Variants in KDM2A observed in about 807,000 individuals in gnomAD.
KDM2A encodes lysine demethylase 2A.
A neutral mutation model predicts 137.3 loss-of-function variants in KDM2A; 3 were observed. The ratio of observed to expected loss-of-function variants is 0.02; its 90% CI spans 0.01 to 0.06. The LOEUF (loss-of-function observed/expected upper bound fraction) is 0.06. Ranked by LOEUF, KDM2A falls within the 10% of genes least tolerant of loss-of-function variation. KDM2A has a pLI of 1.00. For synonymous variants in KDM2A, 512 were observed against 541.5 expected (o/e 0.95, Z 0.76); for missense variants, 738 against 1,510.6 (o/e 0.49, Z 8.48).
intron 10 of KDM2A, among the ~76,000 whole-genome samples, chr11:67,226,321 G>C (rs186191507): frequency 3.2e-4 from 48 of 152,208 alleles, no homozygotes; most frequent in Non-Finnish European, 5.6e-4. Flanking sequence ...TGATGGATCT[G>C]ATTTTTCTGA....
intron 5 of KDM2A, among the ~76,000 whole-genome samples, chr11:67,184,550 C>T (rs1223214133): frequency 1.3e-5 from 2 of 152,132 alleles, no homozygotes; most frequent in African/African-American, 4.8e-5. Flanking sequence ...ATTGCTTGAA[C>T]CGGGAGGCAG....
chr11:67,148,455 G>T (rs1856306465), intron 2 of KDM2A, among the ~76,000 whole-genome samples: 1 of 147,330 alleles, frequency 6.8e-6, no homozygotes, highest in Admixed American at 6.6e-5. Flanking sequence ...GTTTTTTCAT[G>T]GGGTAAAACT....
At chr11:67,167,463 G>A (rs1326464018) in intron 2 of KDM2A, among the ~76,000 whole-genome samples, 1 of 152,120 alleles carries the variant, frequency 6.6e-6, no homozygotes, top group Non-Finnish European at 1.5e-5. Context: ...AGTGTATCCC[G>A]ACTCTTTTAG....
chr11:67,225,345 A>G (rs754794636), intron 10 of KDM2A, among the ~76,000 whole-genome samples: 2 of 152,232 alleles, frequency 1.3e-5, no homozygotes, highest in African/African-American at 2.4e-5. Context: ...TGATGTTAAC[A>G]TCATTCTTGG....
At chr11:67,150,693 A>T (rs1856364463) in intron 2 of KDM2A, among the ~76,000 whole-genome samples, 1 of 152,158 alleles carries the variant, frequency 6.6e-6, no homozygotes, top group African/African-American at 2.4e-5. Context: ...GGGGAATTAG[A>T]GGTGAGTTGG....
chr11:67,256,818 T>C lies in KDM2A; in HGVS notation c.*1763T>C, dbSNP rs1277736803. 5 of 152,650 alleles carry C rather than the reference T, an allele frequency of 3.3e-5. No individual in the cohort carries two copies. 9.5% of individuals were successfully genotyped at this position (152,650 alleles called of 1,614,324 possible). A position where few individuals can be genotyped will look rare whatever the true frequency, so the allele number is the denominator to read the frequency against. On this transcript the variant is annotated 3_prime_UTR_variant, in exon 21 of 21. Coordinates refer to ENST00000529006, the MANE Select transcript of KDM2A (RefSeq NM_012308.3). ...AGGGGGTGGCATTTTGTTTGTTTCT[T>C]CCAATCTGCTGAATCTTTTGACTGC...
At chr11:67,251,949 A>G (rs1859441498) in intron 17 of KDM2A, among the ~76,000 whole-genome samples, 3 of 152,114 alleles carry the variant, frequency 2.0e-5, no homozygotes, top group Admixed American at 2.0e-4. Flanking sequence ...GATTCCCGTT[A>G]TGTGCTGTCT....
chr11:67,123,214 G>A (rs1378109676), intron 2 of KDM2A, among the ~76,000 whole-genome samples: 1 of 148,126 alleles, frequency 6.8e-6, no homozygotes, highest in Middle Eastern at 3.7e-3. Flanking sequence ...GGCCTCAAGC[G>A]ATCCTCCCAC....
chr11:67,202,978 G>C (rs1472201592), intron 5 of KDM2A, among the ~76,000 whole-genome samples: 2 of 148,322 alleles, frequency 1.3e-5, no homozygotes, highest in East Asian at 2.0e-4. Context: ...CTGGGCAACA[G>C]AGCAAGACCC....
chr11:67,175,172 G>A (rs1381961447), intron 2 of KDM2A, among the ~76,000 whole-genome samples: 2 of 152,166 alleles, frequency 1.3e-5, no homozygotes, highest in Non-Finnish European at 2.9e-5. Context: ...AGGATTGAAT[G>A]TTTTTAAAGC....
At chr11:67,150,639 G>A (rs532878754) in intron 2 of KDM2A, among the ~76,000 whole-genome samples, 1 of 152,102 alleles carries the variant, frequency 6.6e-6, no homozygotes. Context: ...TGAGAGGAGG[G>A]ATCTAAGAGT....
intron 3 of KDM2A, 149 bp from the exon 4 acceptor site, chr11:67,181,171 C>T: frequency 2.2e-6 from 1 of 446,592 alleles, no homozygotes; most frequent in Non-Finnish European, 3.9e-6. Flanking sequence ...ATGCTTCTTA[C>T]TAAGCATATA....
At chr11:67,225,958 G>C (rs1438456036) in intron 10 of KDM2A, among the ~76,000 whole-genome samples, 1 of 152,104 alleles carries the variant, frequency 6.6e-6, no homozygotes, top group Non-Finnish European at 1.5e-5. Flanking sequence ...CCAGCTACTT[G>C]GGAGGCTGAG....
intron 5 of KDM2A, among the ~76,000 whole-genome samples, chr11:67,184,775 C>T (rs1270693479): frequency 2.0e-5 from 3 of 152,058 alleles, no homozygotes; most frequent in Non-Finnish European, 2.9e-5. Context: ...TCAGAGAAGA[C>T]GTAAGAAAAC....
At chr11:67,171,081 C>G (rs1199730366) in intron 2 of KDM2A, among the ~76,000 whole-genome samples, 1 of 152,164 alleles carries the variant, frequency 6.6e-6, no homozygotes. Flanking sequence ...GTTACAGTAC[C>G]TGGCACATGG....
chr11:67,198,271 C>CA (rs1328575210), intron 5 of KDM2A, among the ~76,000 whole-genome samples: 3 of 151,588 alleles, frequency 2.0e-5, no homozygotes, highest in Non-Finnish European at 4.4e-5. Flanking sequence ...GGTCCATACC[C>CA]AGAGTATGAG....
Position 67,245,765 on chromosome 11 carries a change from A to C in KDM2A, c.1834-220A>C. On this transcript the variant is annotated intron_variant, in intron 14 of 20. Coordinates refer to ENST00000529006, the MANE Select transcript of KDM2A (RefSeq NM_012308.3). The surrounding 1 kb of genome is among the most constrained non-coding windows in gnomAD (Gnocchi z 4.1). The stretch of plus-strand genomic sequence containing the variant: ...GACCGGGGAGGCCAAGTATAGGCCA[A>C]CTGAAAATAAACTAGTCTCTGGTGC... 1 of 613,250 alleles carries C rather than the reference A, an allele frequency of 1.6e-6. No individual in the cohort carries two copies. The highest frequency in any genetic ancestry group is 2.8e-6 in the Non-Finnish European group (1 of 356,678). 38.0% of individuals were successfully genotyped at this position (613,250 alleles called of 1,614,324 possible).
intron 2 of KDM2A, among the ~76,000 whole-genome samples, chr11:67,131,412 CT>C (rs563635809): frequency 1.4e-3 from 191 of 132,768 alleles, no homozygotes; most frequent in Middle Eastern, 3.7e-3. Context: ...GTTTTCTTTT[CT>C]TTTTTTTTTT....
intron 5 of KDM2A, among the ~76,000 whole-genome samples, chr11:67,207,247 G>A (rs1446895594): frequency 1.3e-5 from 2 of 152,038 alleles, no homozygotes; most frequent in African/African-American, 4.8e-5. Context: ...AGAATTGTTA[G>A]GATTAAATGA....
Sources: allele counts gnomAD v4.1 joint callset (sites outside exome capture counted in the v4.1 genomes callset), GRCh38; gene constraint gnomAD v4.1.1; non-coding constraint Gnocchi (gnomAD v3.1); transcripts MANE v1.5; gene names NCBI Gene and HGNC (gene_info 2026-07-23, HGNC 2026-07-21).